PFKFB3: variants seen among roughly 807,000 people sequenced by gnomAD.
PFKFB3 encodes 6-phosphofructo-2-kinase/fructose-2,6-biphosphatase 3.
A neutral mutation model predicts 68.0 loss-of-function variants in PFKFB3; 33 were observed. The ratio of observed to expected loss-of-function variants is 0.49; its 90% CI spans 0.37 to 0.65. The LOEUF (loss-of-function observed/expected upper bound fraction) is 0.65. Ranked by LOEUF, PFKFB3 falls within the 30% of genes least tolerant of loss-of-function variation. The probability of loss-of-function intolerance (pLI) is 0.00; values close to 1 mark genes in which losing one functional copy is unlikely to be tolerated. For missense variants in PFKFB3, 586 were observed against 712.2 expected (o/e 0.82, Z 2.02); for synonymous variants, 315 against 288.2 (o/e 1.09, Z -0.94).
intron 1 of PFKFB3, among the ~76,000 whole-genome samples, chr10:6,192,156 A>G (rs1199303032): frequency 6.7e-6 from 1 of 149,992 alleles, no homozygotes; most frequent in Non-Finnish European, 1.5e-5. Flanking sequence ...ACACACACAC[A>G]CACACACACA....
chr10:6,160,718 C>A (rs1438650743), intron 1 of PFKFB3, among the ~76,000 whole-genome samples: 521 of 78,582 alleles, frequency 6.6e-3, no homozygotes, highest in East Asian at 0.01. Context: ...GACTCTGTCT[C>A]AAAAAAAAAA....
intron 14 of PFKFB3, among the ~76,000 whole-genome samples, chr10:6,246,280 T>C (rs1846256917): frequency 6.6e-6 from 1 of 151,918 alleles, no homozygotes. Context: ...AATCACTTGA[T>C]TTATTTATTT....
chr10:6,240,640 G>A lies in PFKFB3; in HGVS notation c.1516-13538G>A, dbSNP rs761262988. On this transcript the variant is annotated intron_variant, in intron 14 of 14. Coordinates refer to the PFKFB3 transcript ENST00000640683. ...CTGTCTATGTTTCACCCAGCTGCCC[G>A]TAATATAAACATCTTACAACAACAT... Among the ~76,000 whole-genome samples, 8 of 152,124 alleles carry A rather than the reference G, an allele frequency of 5.3e-5. 1 individual carries two copies. In the South Asian group the frequency reaches 1.0e-3, roughly 20 times the overall value.
At chr10:6,203,407 T>A in intron 1 of PFKFB3, 71 bp downstream of exon 1, 2 of 1,210,218 alleles carry the variant, frequency 1.7e-6, no homozygotes, top group Non-Finnish European at 2.3e-6. Flanking sequence ...TGGGGCGGCT[T>A]TGTGCCGACG....
chr10:6,293,557 G>C, the PFKFB3 span: 1 of 195,012 alleles, frequency 5.1e-6, no homozygotes, highest in Non-Finnish European at 1.1e-5. Flanking sequence ...CATTGGCCAG[G>C]CTGGTCTCAA....
At chr10:6,293,187 T>C in the PFKFB3 span, 1 of 471,292 alleles carries the variant, frequency 2.1e-6, no homozygotes, top group Non-Finnish European at 4.3e-6. Context: ...GAAGACATGA[T>C]TGTAATAGTA....
chr10:6,250,904 T>C (rs1290962629), intron 14 of PFKFB3, among the ~76,000 whole-genome samples: 1 of 152,192 alleles, frequency 6.6e-6, no homozygotes, highest in African/African-American at 2.4e-5. Context: ...TATGAGTGGG[T>C]TGAACTACGC....
At chr10:6,209,540 C>A (rs1383407859) in intron 1 of PFKFB3, among the ~76,000 whole-genome samples, 1 of 151,868 alleles carries the variant, frequency 6.6e-6, no homozygotes, top group Non-Finnish European at 1.5e-5. Flanking sequence ...TTGGTACAAT[C>A]TCGGCTCACT....
the PFKFB3 span, among the ~76,000 whole-genome samples, chr10:6,291,298 G>T: frequency 6.6e-6 from 1 of 152,210 alleles, no homozygotes; most frequent in African/African-American, 2.4e-5. Flanking sequence ...GGGCGTGGTG[G>T]CTCATGCCTA....
upstream of PFKFB3, chr10:6,202,756 G>A (rs1699150361): frequency 2.3e-6 from 1 of 435,470 alleles, no homozygotes. Flanking sequence ...GCGGGAGCTG[G>A]TGCACCGCCG....
intron 14 of PFKFB3, among the ~76,000 whole-genome samples, chr10:6,247,075 G>C (rs1200793172): frequency 6.6e-6 from 1 of 152,186 alleles, no homozygotes; most frequent in African/African-American, 2.4e-5. Flanking sequence ...GGCAACATTG[G>C]CTTCATTCAT....
intron 1 of PFKFB3, among the ~76,000 whole-genome samples, chr10:6,167,321 C>T (rs1379445623): frequency 1.3e-5 from 2 of 152,224 alleles, no homozygotes; most frequent in African/African-American, 4.8e-5. Context: ...GGGTCTCATT[C>T]AGCTCTGCGG....
In PFKFB3 at chr10:6,220,799, C is replaced by T. The variant is rs969842065; in HGVS notation, c.765C>T (p.Gly255=). ...GTACCATCTACCTGTGCCGGCACGGCGAGAACGAGCACAACCTCCAGGGCC... is the reference window on the plus strand; with the variant it reads ...GTACCATCTACCTGTGCCGGCACGGTGAGAACGAGCACAACCTCCAGGGCC... ...QPRTIYLCRH[G]ENEHNLQGRI... is the part of the protein sequence containing the mutation. The change falls in exon 8 of 15, where the codon GGC becomes GGT. Residue 255 remains glycine, a synonymous_variant. Coordinates refer to ENST00000379775, the MANE Select transcript of PFKFB3 (RefSeq NM_004566.4). The surrounding 1 kb of genome is among the most constrained non-coding windows in gnomAD (Gnocchi z 4.1). 16 of 1,613,782 alleles carry T rather than the reference C, an allele frequency of 9.9e-6. No individual in the cohort carries two copies. Among genetic ancestry groups the T allele is most frequent in the Admixed American group, 1.7e-5 (1 of 60,014 alleles).
chr10:6,203,335 A>G lies in PFKFB3; in HGVS notation c.75A>G (p.Arg25=). The change falls in exon 1 of 15, where the codon AGA becomes AGG. Residue 25 remains arginine, a splice_region_variant and synonymous_variant. Coordinates refer to ENST00000379775, the MANE Select transcript of PFKFB3 (RefSeq NM_004566.4). The stretch of plus-strand genomic sequence containing the variant: ...TGGACCACAGGCCCTCGTTGCCCAG[A>G]TGTGAGTGCAGCTGCGCGGAGCCGG... ...VPVDHRPSLP[R]SCGPKLTNSP... 6.2e-7 allele frequency: 1 copy of G among 1,604,568 alleles called. No homozygotes were observed. The highest frequency in any genetic ancestry group is 1.4e-5 in the African/African-American group (1 of 73,894).
chr10:6,164,118 C>T (rs573006978), intron 1 of PFKFB3: 7 of 152,372 alleles, frequency 4.6e-5, no homozygotes, highest in Non-Finnish European at 8.8e-5. Flanking sequence ...GCGGGGCGGC[C>T]CGGGCGCGCA....
At chr10:6,225,477 G>A (rs1429381910) in intron 13 of PFKFB3, among the ~76,000 whole-genome samples, 3 of 152,192 alleles carry the variant, frequency 2.0e-5, no homozygotes, top group Non-Finnish European at 2.9e-5. Context: ...CACTGCCCCC[G>A]CTATGGGATT....
At chr10:6,167,951 C>T (rs1215760101) in intron 1 of PFKFB3, among the ~76,000 whole-genome samples, 1 of 140,714 alleles carries the variant, frequency 7.1e-6, no homozygotes, top group Non-Finnish European at 1.6e-5. Context: ...GTCCCTAGGT[C>T]GTTCCTGCTT....
At chr10:6,290,561 C>T in the PFKFB3 span, among the ~76,000 whole-genome samples, 5 of 145,782 alleles carry the variant, frequency 3.4e-5, no homozygotes, top group Non-Finnish European at 6.0e-5. Flanking sequence ...TGCAGTGGTG[C>T]GATCTCAGCT....
rs2131690292 is a variant in PFKFB3 at position 6,154,853 on chromosome 10, G to A, written c.16+9840G>A. Among the ~76,000 whole-genome samples the A allele has an allele frequency of 6.6e-6, 1 of 152,350 alleles. No individual in the cohort carries two copies. The highest frequency in any genetic ancestry group is 1.9e-4 in the East Asian group (1 of 5,182). ...GGTGGCCGAGGCGGTCGAGGCCTGG[G>A]TTGTAGTGAGCTGCGGGGAGCCCGC... On this transcript the variant is annotated intron_variant, in intron 1 of 14. Coordinates refer to the PFKFB3 transcript ENST00000379789. This position sits in a 1 kb window ranked among gnomAD's most constrained non-coding sequence, Gnocchi z 4.6.
Sources: allele counts gnomAD v4.1 joint callset (sites outside exome capture counted in the v4.1 genomes callset), GRCh38; gene constraint gnomAD v4.1.1; non-coding constraint Gnocchi (gnomAD v3.1); transcripts MANE v1.5; gene names NCBI Gene and HGNC (gene_info 2026-07-23, HGNC 2026-07-21).